The following HACE1 variants were observed in gnomAD, a reference collection of about 807,000 sequenced individuals.
HACE1 encodes the protein E3 ubiquitin-protein ligase HACE1.
In HACE1, 73 loss-of-function variants were observed where a neutral mutation model predicts 118.4. The ratio of observed to expected loss-of-function variants is 0.62; its 90% CI spans 0.51 to 0.75. HACE1 has a LOEUF of 0.75. HACE1 is among the 30% of genes least tolerant of loss of function. The pLI is 0.00. For synonymous variants in HACE1, 368 were observed against 374.8 expected (o/e 0.98, Z 0.21); for missense variants, 749 against 1,102.2 (o/e 0.68, Z 4.54).
At position 104,728,825 on chromosome 6, in the gene HACE1, A is replaced by G. The variant is rs192730561; in HGVS notation, c.*837T>C. 6.8e-4 allele frequency: 104 copies of G among 152,356 alleles called. No homozygotes were observed. Among genetic ancestry groups the G allele is most frequent in the African/African-American group, 2.5e-3 (103 of 41,584 alleles). The allele number at this position is 152,356 out of a possible 1,614,324, so 9.4% of individuals were successfully genotyped here. On this transcript the variant is annotated 3_prime_UTR_variant, in exon 24 of 24. Transcript: ENST00000262903. ...TTTAATGATGAAAAGCAAATTTAAG[A>G]AGCAAAAAAATTAACATATTTAAAT...
intron 17 of HACE1, among the ~76,000 whole-genome samples, chr6:104,775,626 G>A (rs1458765024): frequency 6.6e-6 from 1 of 152,148 alleles, no homozygotes; most frequent in Non-Finnish European, 1.5e-5. Context: ...CACTGAACTC[G>A]TCATTCACAA....
At chr6:104,837,663 C>T (rs1290655628) in intron 5 of HACE1, among the ~76,000 whole-genome samples, 1 of 152,152 alleles carries the variant, frequency 6.6e-6, no homozygotes, top group African/African-American at 2.4e-5. Flanking sequence ...AAAACTTTTG[C>T]TCTTCAAAAG....
chr6:104,818,373 A>G (rs1035351300), intron 6 of HACE1, among the ~76,000 whole-genome samples: 3 of 152,076 alleles, frequency 2.0e-5, no homozygotes, highest in Admixed American at 2.0e-4. Flanking sequence ...GGTGTTCACT[A>G]CTGTTATAGA....
intron 6 of HACE1, among the ~76,000 whole-genome samples, chr6:104,829,016 T>C (rs1043524335): frequency 6.6e-6 from 1 of 152,050 alleles, no homozygotes; most frequent in African/African-American, 2.4e-5. Flanking sequence ...AAAGAGCTCA[T>C]GTGCTTTATT....
At position 104,747,494 on chromosome 6, in the gene HACE1, T is replaced by C. The variant is rs1308702959; in HGVS notation, c.2343+2847A>G. 2.6e-5 allele frequency among the ~76,000 whole-genome samples: 4 copies of C among 152,154 alleles called. No individual in the cohort carries two copies. The East Asian group carries it at 7.8e-4, about 29-fold the overall frequency. On this transcript the variant is annotated intron_variant, in intron 20 of 23. Transcript: ENST00000262903. ...ACGTTTGTACCAAATTTTTTAAAAG[T>C]TTCCTTTCTCAGTGCAGCATAGCCC...
At chr6:104,800,740 A>C (rs1402363527) in intron 7 of HACE1, among the ~76,000 whole-genome samples, 1 of 152,244 alleles carries the variant, frequency 6.6e-6, no homozygotes, top group East Asian at 1.9e-4. Context: ...AAAGGTAGAC[A>C]AAACCACAAA....
At chr6:104,769,473 G>GAATTA (rs1370241171) in intron 19 of HACE1, among the ~76,000 whole-genome samples, 44 of 152,166 alleles carry the variant, frequency 2.9e-4, no homozygotes, top group South Asian at 6.2e-4. Context: ...ATTGAGGGTA[G>GAATTA]GCCTCCAGTG....
chr6:104,805,682 C>T (rs1486457371), intron 7 of HACE1, among the ~76,000 whole-genome samples: 3 of 152,112 alleles, frequency 2.0e-5, no homozygotes, highest in East Asian at 1.9e-4. Flanking sequence ...GGGCAGCGAA[C>T]ATCACACACC....
At position 104,852,246 on chromosome 6, in the gene HACE1, C is replaced by G. The variant is rs112610480; in HGVS notation, c.131+71G>C. ...GTGTGTGTGCGCGCGTGCGCGTGCA[C>G]GGGCATGCAGTACACATTTAGAACA... On this transcript the variant is annotated intron_variant, in intron 2 of 23. Coordinates refer to ENST00000262903, the MANE Select transcript of HACE1 (RefSeq NM_020771.4). The G allele has an allele frequency of 1.7e-4, 145 of 862,730 alleles. No individual in the cohort carries two copies. The African/African-American group carries it at 1.8e-3, about 11-fold the overall frequency. 53.4% of individuals were successfully genotyped at this position (862,730 alleles called of 1,614,324 possible).
intron 19 of HACE1, among the ~76,000 whole-genome samples, chr6:104,759,376 G>C (rs888759330): frequency 1.3e-5 from 2 of 152,172 alleles, no homozygotes; most frequent in Non-Finnish European, 2.9e-5. Context: ...AATCAAATTA[G>C]AACTCAGGAT....
intron 19 of HACE1, among the ~76,000 whole-genome samples, chr6:104,750,875 A>T (rs1777966043): frequency 6.6e-6 from 1 of 152,140 alleles, no homozygotes; most frequent in African/African-American, 2.4e-5. Context: ...GTGATTTAAA[A>T]ATATATATAT....
At chr6:104,847,324 T>C (rs1163697831) in intron 4 of HACE1, among the ~76,000 whole-genome samples, 2 of 152,242 alleles carry the variant, frequency 1.3e-5, no homozygotes, top group African/African-American at 2.4e-5. Flanking sequence ...TTCAAGACCT[T>C]TGTCGATACC....
chr6:104,787,338 T>A (rs142238230), intron 11 of HACE1: 72 of 152,120 alleles, frequency 4.7e-4, no homozygotes, highest in African/African-American at 1.6e-3. Flanking sequence ...AGATTTGGAG[T>A]CCCTGAACTG....
In HACE1 at chr6:104,768,370, C is replaced by CA. The variant is rs574727232; in HGVS notation, c.2211+2822dup. Among the ~76,000 whole-genome samples the CA allele has an allele frequency of 5.8e-4, 86 of 148,728 alleles. 2 individuals are homozygous for CA. The East Asian group carries it at 0.011, about 19-fold the overall frequency. ...AAAAGTTCATAACAGAATGTATAAG[C>CA]AAAAAAAAAGAACAAACCAAAAATC... On this transcript the variant is annotated intron_variant, in intron 19 of 23. Coordinates refer to ENST00000262903, the MANE Select transcript of HACE1 (RefSeq NM_020771.4).
At chr6:104,765,313 G>T (rs1779865869) in intron 19 of HACE1, among the ~76,000 whole-genome samples, 1 of 152,156 alleles carries the variant, frequency 6.6e-6, no homozygotes, top group South Asian at 2.1e-4. Flanking sequence ...TTCACTCCTT[G>T]AAGAGATTGA....
intron 10 of HACE1, among the ~76,000 whole-genome samples, chr6:104,794,446 A>T (rs1174032574): frequency 1.3e-5 from 2 of 152,186 alleles, no homozygotes; most frequent in African/African-American, 4.8e-5. Context: ...ATTTTACAGA[A>T]TTATCTTATT....
At chr6:104,848,482 A>G (rs1411337918) in intron 4 of HACE1, among the ~76,000 whole-genome samples, 2 of 151,786 alleles carry the variant, frequency 1.3e-5, no homozygotes, top group Non-Finnish European at 2.9e-5. Flanking sequence ...AAGAGTTTAT[A>G]AAATATAAGT....
At chr6:104,849,776 G>A (rs1776013139) in intron 3 of HACE1, among the ~76,000 whole-genome samples, 1 of 151,538 alleles carries the variant, frequency 6.6e-6, no homozygotes, top group Non-Finnish European at 1.5e-5. Context: ...AGCCTCCCGA[G>A]TAGCTGGGAC....
chr6:104,749,128 T>A (rs780237607), intron 20 of HACE1, among the ~76,000 whole-genome samples: 21 of 152,200 alleles, frequency 1.4e-4, no homozygotes, highest in Non-Finnish European at 1.9e-4. Flanking sequence ...GTTTTTTACA[T>A]ACATATAGGT....
Sources: allele counts gnomAD v4.1 joint callset (sites outside exome capture counted in the v4.1 genomes callset), GRCh38; gene constraint gnomAD v4.1.1; transcripts MANE v1.5; gene names NCBI Gene and HGNC (gene_info 2026-07-23, HGNC 2026-07-21).